The following ZMPSTE24 variants were observed in gnomAD, a reference collection of about 807,000 sequenced individuals.
The protein encoded by ZMPSTE24 is zinc metallopeptidase STE24, also known as CAAX prenyl protease 1 homolog.
A neutral mutation model predicts 56.7 loss-of-function variants in ZMPSTE24; 48 were observed. That is an observed-to-expected ratio of 0.85 (90% CI 0.67 to 1.08). The LOEUF (loss-of-function observed/expected upper bound fraction) is 1.08. ZMPSTE24 is among the 50% of genes least tolerant of loss of function. The probability of loss-of-function intolerance (pLI) is 0.00; values close to 1 mark genes in which losing one functional copy is unlikely to be tolerated. For missense variants in ZMPSTE24, 503 were observed against 548.7 expected (o/e 0.92, Z 0.83); for synonymous variants, 172 against 195.2 (o/e 0.88, Z 0.99).
chr1:40,269,253 G>C (rs1398978733), intron 4 of ZMPSTE24, among the ~76,000 whole-genome samples: 1 of 151,966 alleles, frequency 6.6e-6, no homozygotes, highest in Non-Finnish European at 1.5e-5. Flanking sequence ...CTAAAAGCCA[G>C]TTGTGGTGGC....
chr1:40,293,674 T>C lies in ZMPSTE24; in HGVS notation c.*1005T>C, dbSNP rs1424695982. On this transcript the variant is annotated 3_prime_UTR_variant, in exon 10 of 10. Coordinates refer to ENST00000372759, the MANE Select transcript of ZMPSTE24 (RefSeq NM_005857.5). ...TTATTTTTGTAATTTTATCTGTAAG[T>C]CATAAATATTACTTAATCAGGCCTG... is the stretch of plus-strand genomic sequence containing the variant. The C allele has an allele frequency of 6.6e-6, 1 of 152,244 alleles. No homozygotes were observed. Among genetic ancestry groups the C allele is most frequent in the South Asian group, 2.1e-4 (1 of 4,836 alleles). 9.4% of individuals were successfully genotyped at this position (152,244 alleles called of 1,614,324 possible).
Position 40,263,040 on chromosome 1 carries a change from C to G in ZMPSTE24, c.270+2055C>G, listed in dbSNP as rs1244953716. ...CTTGGAAGTCCTTTGACTTTACCCACTACAGGGCCATAGTAAAATAATAGG... is the reference window on the plus strand; with the variant it reads ...CTTGGAAGTCCTTTGACTTTACCCAGTACAGGGCCATAGTAAAATAATAGG... On this transcript the variant is annotated intron_variant, in intron 2 of 9. Coordinates refer to ENST00000372759, the MANE Select transcript of ZMPSTE24 (RefSeq NM_005857.5). The G allele has an allele frequency of 3.2e-6, 3 of 950,626 alleles. No homozygotes were observed. The African/African-American group carries it at 5.3e-5, about 17-fold the overall frequency. The allele number at this position is 950,626 out of a possible 1,614,324, so 58.9% of individuals were successfully genotyped here. A position where few individuals can be genotyped will look rare whatever the true frequency, so the allele number is the denominator to read the frequency against.
rs1332584739 is a variant in ZMPSTE24, at chr1:40,273,536, AAATATATATATATAT to A, written c.769+1503_769+1517del. Among the ~76,000 whole-genome samples, 385 of 74,336 alleles carry A rather than the reference AAATATATATATATAT, an allele frequency of 5.2e-3. 4 individuals are homozygous for A. Among genetic ancestry groups the A allele is most frequent in the African/African-American group, 0.023 (350 of 14,900 alleles). The allele number at this position is 74,336 out of a possible 152,430, so 48.8% of individuals were successfully genotyped here. Reference sequence around the variant, plus strand: ...CTGTCTAAAAAAAAAAAAAAAAAAAAAATATATATATATATATATATATATATATATATGTCAGAC... The same window carrying A: ...CTGTCTAAAAAAAAAAAAAAAAAAAAATATATATATATATATATGTCAGAC... On this transcript the variant is annotated intron_variant, in intron 6 of 9. Transcript: ENST00000372759.
chr1:40,258,376 C>T lies in ZMPSTE24; in HGVS notation c.105C>T (p.Thr35=), dbSNP rs755747888. The T allele has an allele frequency of 1.2e-6, 2 of 1,613,958 alleles. No homozygotes were observed. Among genetic ancestry groups the T allele is most frequent in the Non-Finnish European group, 8.5e-7 (1 of 1,180,008 alleles). The stretch of plus-strand genomic sequence containing the variant: ...CCTGGACAGTGTATCTTTGGGAGAC[C>T]TTCCTAGCACAGCGGCAGGTGAGCC... The part of the protein sequence containing the change: ...LFSWTVYLWE[T]FLAQRQRRIY... The change falls in exon 1 of 10, where the codon ACC becomes ACT. Residue 35 remains threonine, a synonymous_variant. Coordinates refer to ENST00000372759, the MANE Select transcript of ZMPSTE24 (RefSeq NM_005857.5).
intron 7 of ZMPSTE24, among the ~76,000 whole-genome samples, chr1:40,285,583 G>A (rs559354450): frequency 3.9e-5 from 6 of 152,234 alleles, no homozygotes; most frequent in Non-Finnish European, 8.8e-5. Flanking sequence ...GTAATATAAT[G>A]TGACTGTCAT....
chr1:40,271,776 T>C, intron 5 of ZMPSTE24, 118 bp from the exon 6 acceptor site: 1 of 1,148,776 alleles, frequency 8.7e-7, no homozygotes. Flanking sequence ...AGCAAGTAAG[T>C]TCCTTGTTCT....
At chr1:40,283,828 T>C (rs1449995745) in intron 7 of ZMPSTE24, among the ~76,000 whole-genome samples, 1 of 152,136 alleles carries the variant, frequency 6.6e-6, no homozygotes, top group Non-Finnish European at 1.5e-5. Flanking sequence ...GGATTTGTTA[T>C]ACTGAACTCT....
intron 4 of ZMPSTE24, 26 bp downstream of exon 4, chr1:40,268,561 C>T: frequency 3.4e-6 from 5 of 1,453,174 alleles, no homozygotes; most frequent in Non-Finnish European, 4.8e-6. Flanking sequence ...CAAATGTTCT[C>T]TTTTAAATGT....
intron 9 of ZMPSTE24, 92 bp downstream of exon 9, chr1:40,291,089 A>G (rs1212947698): frequency 4.7e-6 from 7 of 1,486,380 alleles, no homozygotes; most frequent in Non-Finnish European, 5.5e-6. Flanking sequence ...ATAGAACAGT[A>G]CAGTTTTAAC....
At chr1:40,258,425 C>G (rs3765484) in intron 1 of ZMPSTE24, 31 bp downstream of exon 1, 1 of 1,613,648 alleles carries the variant, frequency 6.2e-7, no homozygotes, top group East Asian at 2.2e-5. Flanking sequence ...ACCTGACCCC[C>G]ATACCCGGCC....
chr1:40,274,535 G>A (rs866298473), intron 6 of ZMPSTE24, among the ~76,000 whole-genome samples: 1 of 152,212 alleles, frequency 6.6e-6, no homozygotes, highest in Admixed American at 6.5e-5. Flanking sequence ...AGATGTTCAA[G>A]GACCATGAAG....
At chr1:40,264,616 C>T (rs1436602733) in intron 2 of ZMPSTE24, among the ~76,000 whole-genome samples, 1 of 151,916 alleles carries the variant, frequency 6.6e-6, no homozygotes, top group Non-Finnish European at 1.5e-5. Flanking sequence ...TGACTCAATC[C>T]TGTAATCATA....
At chr1:40,290,705 AC>A in intron 8 of ZMPSTE24, 148 bp from the exon 9 acceptor site, 1 of 757,640 alleles carries the variant, frequency 1.3e-6, no homozygotes, top group Non-Finnish European at 2.1e-6. Flanking sequence ...CTCGTGATCC[AC>A]CCGCCTTGGC....
At chr1:40,279,542 T>G (rs755472954) in intron 6 of ZMPSTE24, among the ~76,000 whole-genome samples, 14 of 152,236 alleles carry the variant, frequency 9.2e-5, no homozygotes, top group Non-Finnish European at 2.1e-4. Context: ...TGCATCCAGC[T>G]AGTTGTGAAA....
intron 2 of ZMPSTE24, among the ~76,000 whole-genome samples, chr1:40,266,839 C>T (rs1643554372): frequency 7.3e-6 from 1 of 136,078 alleles, no homozygotes. Context: ...ACGATCATGG[C>T]CCACTGCAGC....
intron 7 of ZMPSTE24, among the ~76,000 whole-genome samples, chr1:40,282,705 C>T (rs113441683): frequency 5.3e-5 from 8 of 152,296 alleles, no homozygotes; most frequent in African/African-American, 1.7e-4. Flanking sequence ...TCAAGCCCCA[C>T]GCTATTTTTT....
chr1:40,284,159 G>A (rs1366544617), intron 7 of ZMPSTE24, among the ~76,000 whole-genome samples: 1 of 128,742 alleles, frequency 7.8e-6, no homozygotes, highest in Non-Finnish European at 1.6e-5. Context: ...TCACCATGTT[G>A]GCCAGGCTGG....
In ZMPSTE24 at chr1:40,289,158, G is replaced by A. The variant is rs117920283; in HGVS notation, c.1060-1696G>A. On this transcript the variant is annotated intron_variant, in intron 8 of 9. Transcript: ENST00000372759. ...TGGTGGTAGGAGTTGGTGTACTAGAGTATGAGCCATCTGCTTATTTAACTT... is the reference window on the plus strand; with the variant it reads ...TGGTGGTAGGAGTTGGTGTACTAGAATATGAGCCATCTGCTTATTTAACTT... Among the ~76,000 whole-genome samples the A allele has an allele frequency of 9.3e-4, 141 of 152,344 alleles. 1 individual carries two copies. In the East Asian group the frequency reaches 0.022, roughly 24 times the overall value.
At chr1:40,269,600 T>C (rs1557775397) in intron 4 of ZMPSTE24, among the ~76,000 whole-genome samples, 1 of 152,004 alleles carries the variant, frequency 6.6e-6, no homozygotes, top group Non-Finnish European at 1.5e-5. Flanking sequence ...TCTGGGACTA[T>C]AGATGAATTA....
Sources: gnomAD v4.1 joint callset for allele counts (sites outside exome capture counted in the v4.1 genomes callset) on GRCh38, gnomAD v4.1.1 for gene constraint, MANE v1.5 for transcripts, NCBI Gene and HGNC (gene_info 2026-07-23, HGNC 2026-07-21) for gene names.